The following UBR2 variants were observed in gnomAD, a reference collection of about 807,000 sequenced individuals.
UBR2 encodes E3 ubiquitin-protein ligase UBR2.
UBR2 carries 92 observed loss-of-function variants against 247.9 expected under a neutral mutation model. The observed-to-expected ratio is 0.37, with a 90% CI of 0.31 to 0.44. The LOEUF is 0.44. Ranked by LOEUF, UBR2 falls within the 20% of genes least tolerant of loss-of-function variation. UBR2 has a pLI of 1.00. For synonymous variants in UBR2, 672 were observed against 693.5 expected (o/e 0.97, Z 0.49); for missense variants, 1,613 against 2,112.6 (o/e 0.76, Z 4.64).
intron 11 of UBR2, among the ~76,000 whole-genome samples, chr6:42,626,980 T>G (rs1190659811): frequency 1.3e-5 from 2 of 152,108 alleles, no homozygotes; most frequent in Non-Finnish European, 2.9e-5. Context: ...ATAGAGCCGA[T>G]TTATGAAGAC....
intron 41 of UBR2, among the ~76,000 whole-genome samples, chr6:42,679,490 G>C (rs1798904347): frequency 6.6e-6 from 1 of 152,230 alleles, no homozygotes; most frequent in Admixed American, 6.5e-5. Flanking sequence ...ATAAAGCCGA[G>C]ACACCAGGAC....
Position 42,615,172 on chromosome 6 carries a change from T to C in UBR2, c.1087T>C (p.Trp363Arg). The C allele has an allele frequency of 6.2e-7, 1 of 1,610,194 alleles. No individual in the cohort carries two copies. The highest frequency in any genetic ancestry group is 8.5e-7 in the Non-Finnish European group (1 of 1,178,190). ...ACTGATGCTTAGTGATTCCAAATTA[T>C]GGAAAGGTGAATCTCTTAACTACTT... ...DRLMLSDSKL[W>R]KGARSVYHQL... The change falls in exon 9 of 47, where the codon TGG becomes CGG. Residue 363 changes from tryptophan to arginine, a missense_variant. Around this residue, in one of 3 missense-constraint regions of UBR2, gnomAD observed 1,524 missense variants for 1,967.3 expected, o/e 0.77. Transcript: ENST00000372901.
At chr6:42,684,925 C>A in intron 44 of UBR2, 54 bp downstream of exon 44, 1 of 1,439,720 alleles carries the variant, frequency 6.9e-7, no homozygotes, top group Non-Finnish European at 9.7e-7. Flanking sequence ...CACCTCTCTA[C>A]AAAGAATTTG....
At chr6:42,616,490 A>T (rs915980087) in intron 10 of UBR2, among the ~76,000 whole-genome samples, 1 of 150,452 alleles carries the variant, frequency 6.6e-6, no homozygotes, top group Non-Finnish European at 1.5e-5. Context: ...CTTAGTCTTT[A>T]AAAAAAAATA....
intron 4 of UBR2, among the ~76,000 whole-genome samples, chr6:42,595,317 A>G (rs1792899081): frequency 6.6e-6 from 1 of 152,182 alleles, no homozygotes; most frequent in African/African-American, 2.4e-5. Context: ...CTTCTGCTAC[A>G]TTTTATGACA....
intron 25 of UBR2, among the ~76,000 whole-genome samples, 192 bp from the exon 26 acceptor site, chr6:42,655,429 G>A (rs551101243): frequency 4.0e-5 from 6 of 150,148 alleles, no homozygotes; most frequent in African/African-American, 9.8e-5. Context: ...AGTGAGCCTG[G>A]GTGACAGGGC....
intron 24 of UBR2, 55 bp from the exon 25 acceptor site, chr6:42,652,436 T>G (rs1052727217): frequency 1.2e-5 from 18 of 1,525,082 alleles, no homozygotes; most frequent in Non-Finnish European, 1.3e-5. Flanking sequence ...AACAAAGAGA[T>G]AGTTTCTAAA....
intron 11 of UBR2, chr6:42,619,445 A>ATTTTTTTTTT (rs1368973049): frequency 6.3e-5 from 2 of 31,940 alleles, no homozygotes; most frequent in East Asian, 1.8e-3. Context: ...ATATATATAT[A>ATTTTTTTTTT]TATATATATT....
At chr6:42,581,595 G>T (rs1480665458) in intron 2 of UBR2, among the ~76,000 whole-genome samples, 2 of 152,178 alleles carry the variant, frequency 1.3e-5, no homozygotes, top group African/African-American at 4.8e-5. Flanking sequence ...CCAAAGTGTT[G>T]TGATTACAGT....
intron 5 of UBR2, among the ~76,000 whole-genome samples, chr6:42,605,367 A>G (rs1162641404): frequency 6.6e-6 from 1 of 152,172 alleles, no homozygotes; most frequent in Non-Finnish European, 1.5e-5. Context: ...ATGTTGCCAA[A>G]TGGTCAACTA....
chr6:42,658,430 A>G, intron 28 of UBR2, 110 bp downstream of exon 28: 2 of 1,168,022 alleles, frequency 1.7e-6, no homozygotes, highest in Non-Finnish European at 2.4e-6. Flanking sequence ...TTTAAATTCC[A>G]AGAAATATGC....
chr6:42,665,376 A>G (rs910400331), intron 32 of UBR2, 33 bp from the exon 33 acceptor site: 1 of 1,504,400 alleles, frequency 6.6e-7, no homozygotes. Context: ...GAACAATAAT[A>G]AAACACTAAA....
At chr6:42,674,224 A>G (rs200640561) in intron 38 of UBR2, 31 bp downstream of exon 38, 6 of 1,601,572 alleles carry the variant, frequency 3.7e-6, no homozygotes, top group Admixed American at 3.4e-5. Flanking sequence ...TTGGACTTCT[A>G]CGTCATACTA....
At chr6:42,650,449 T>A in intron 23 of UBR2, 63 bp downstream of exon 23, 2 of 1,377,194 alleles carry the variant, frequency 1.5e-6, no homozygotes, top group Non-Finnish European at 2.0e-6. Context: ...AGAGATGAGG[T>A]TTCACCATGT....
chr6:42,573,171 A>G (rs1366482250), intron 1 of UBR2, among the ~76,000 whole-genome samples: 1 of 151,936 alleles, frequency 6.6e-6, no homozygotes, highest in Non-Finnish European at 1.5e-5. Context: ...GAGAGAGAGA[A>G]GTTGATCAGA....
At chr6:42,626,014 C>T (rs188623705) in intron 11 of UBR2, among the ~76,000 whole-genome samples, 1 of 151,754 alleles carries the variant, frequency 6.6e-6, no homozygotes, top group Middle Eastern at 3.2e-3. Context: ...CGGGGTTTCA[C>T]CATGTTAGCC....
chr6:42,665,331 C>A, intron 32 of UBR2, 78 bp from the exon 33 acceptor site: 1 of 1,063,412 alleles, frequency 9.4e-7, no homozygotes. Flanking sequence ...CTAAAATATG[C>A]CTGTGATCAT....
intron 28 of UBR2, 126 bp from the exon 29 acceptor site, chr6:42,658,515 TTTCTC>T (rs1248977060): frequency 1.6e-5 from 18 of 1,151,884 alleles, no homozygotes; most frequent in African/African-American, 4.8e-5. Flanking sequence ...TTAAGAGTCT[TTTCTC>T]TTATTTAAAT....
chr6:42,611,514 A>G (rs1035671578), intron 7 of UBR2, among the ~76,000 whole-genome samples: 1 of 151,916 alleles, frequency 6.6e-6, no homozygotes, highest in African/African-American at 2.4e-5. Context: ...TATTTAAATA[A>G]GTACATAATT....
Sources: gnomAD v4.1 joint callset for allele counts (sites outside exome capture counted in the v4.1 genomes callset) on GRCh38, gnomAD v4.1.1 for gene constraint, gnomAD v4.1.1 regional missense constraint, MANE v1.5 for transcripts, NCBI Gene and HGNC (gene_info 2026-07-23, HGNC 2026-07-21) for gene names.